RFC1: variants seen among roughly 807,000 people sequenced by gnomAD.
The protein encoded by RFC1 is replication factor C subunit 1.
Under a neutral mutation model 137.4 loss-of-function variants are expected in RFC1, and 37 were observed. The observed-to-expected ratio is 0.27, with a 90% CI of 0.21 to 0.35. RFC1 has a LOEUF of 0.35. RFC1 is among the 10% of genes least tolerant of loss of function. RFC1 has a pLI of 1.00. For missense variants in RFC1, 1,205 were observed against 1,358.5 expected (o/e 0.89, Z 1.78); for synonymous variants, 429 against 455.7 (o/e 0.94, Z 0.75).
rs781279757 is a variant in RFC1 at position 39,351,468 on chromosome 4, C to A, written c.12G>T (p.Arg4=). The A allele has an allele frequency of 6.4e-7, 1 of 1,551,970 alleles. No individual in the cohort carries two copies. Among genetic ancestry groups the A allele is most frequent in the South Asian group, 1.2e-5 (1 of 81,524 alleles). ...CACTTGGTATTACTCCAAAGAATTT[C>A]CGAATGTCCTAAAAGCAAAAAACAG... MDI[R]KFFGVIPSGK... The change falls in exon 2 of 25, where the codon CGG becomes CGT. Residue 4 remains arginine, a synonymous_variant. Coordinates refer to ENST00000349703, the MANE Select transcript of RFC1 (RefSeq NM_002913.5).
chr4:39,318,546 C>T (rs964349741), intron 9 of RFC1, among the ~76,000 whole-genome samples: 8 of 152,140 alleles, frequency 5.3e-5, no homozygotes, highest in African/African-American at 1.9e-4. Flanking sequence ...CTTTATTTGA[C>T]GTTTCCAACC....
At chr4:39,320,819 A>T in intron 8 of RFC1, 150 bp from the exon 9 acceptor site, 1 of 622,046 alleles carries the variant, frequency 1.6e-6, no homozygotes, top group Non-Finnish European at 2.5e-6. Flanking sequence ...GTTTATAGTA[A>T]ATCTATAAAT....
intron 12 of RFC1, among the ~76,000 whole-genome samples, chr4:39,309,909 G>T (rs980675490): frequency 1.4e-4 from 21 of 152,176 alleles, no homozygotes; most frequent in African/African-American, 5.1e-4. Flanking sequence ...CAGGATATAA[G>T]CATAAGTACC....
chr4:39,290,001 G>T lies in RFC1; in HGVS notation c.3207C>A (p.Ala1069=). Residue 1069 remains alanine, a synonymous_variant, in exon 24 of 25, where the codon GCC becomes GCA. Transcript: ENST00000349703. ...AAFTRAYNKE[A]HLTPYSLQAI... Reference sequence around the variant, plus strand: ...CTTGAAGTGAGTATGGAGTAAGGTGGGCTTCCTTATTGTAAGCTCTTGTGA... The same window carrying T: ...CTTGAAGTGAGTATGGAGTAAGGTGTGCTTCCTTATTGTAAGCTCTTGTGA... 1 of 1,613,564 alleles carries T rather than the reference G, an allele frequency of 6.2e-7. No homozygotes were observed. Among genetic ancestry groups the T allele is most frequent in the Non-Finnish European group, 8.5e-7 (1 of 1,179,716 alleles).
At chr4:39,323,792 C>T (rs1007227106) in intron 6 of RFC1, among the ~76,000 whole-genome samples, 4 of 152,110 alleles carry the variant, frequency 2.6e-5, no homozygotes, top group African/African-American at 7.2e-5. Flanking sequence ...AATAGGAAAA[C>T]ACAATCATCT....
chr4:39,321,166 C>A, intron 8 of RFC1, 121 bp downstream of exon 8: 2 of 764,210 alleles, frequency 2.6e-6, no homozygotes, highest in Non-Finnish European at 4.2e-6. Flanking sequence ...CTCTAATAGT[C>A]CTGTGAAATA....
At chr4:39,312,487 T>C (rs1739005141) in intron 11 of RFC1, among the ~76,000 whole-genome samples, 1 of 152,162 alleles carries the variant, frequency 6.6e-6, no homozygotes, top group African/African-American at 2.4e-5. Flanking sequence ...AAAACTGCAT[T>C]TGTTTCTATC....
chr4:39,300,704 G>C (rs1738308467), intron 19 of RFC1, among the ~76,000 whole-genome samples: 1 of 152,174 alleles, frequency 6.6e-6, no homozygotes, highest in African/African-American at 2.4e-5. Flanking sequence ...CAACCAAGAT[G>C]TCCTTTTAGT....
intron 19 of RFC1, among the ~76,000 whole-genome samples, chr4:39,300,627 T>C (rs12500277): frequency 0.019 from 2,827 of 152,340 alleles, 50 homozygotes; most frequent in Admixed American, 0.053. Flanking sequence ...AATGAAACTA[T>C]GTTCACACAA....
intron 6 of RFC1, 76 bp downstream of exon 6, chr4:39,326,487 C>A: frequency 8.7e-7 from 1 of 1,146,982 alleles, no homozygotes; most frequent in South Asian, 1.4e-5. Flanking sequence ...CAATGAGGTT[C>A]AATTCAAAAC....
chr4:39,291,684 G>A lies in RFC1; in HGVS notation c.3123C>T (p.Ser1041=). The change falls in exon 23 of 25, where the codon AGC becomes AGT. Residue 1041 remains serine (S), a synonymous_variant. Transcript: ENST00000349703. ...AGGGACTAGGTTTGCCACCCCAGCTGCTGATTTCCATGATATTCTCAAAGT... is the reference window on the plus strand; with the variant it reads ...AGGGACTAGGTTTGCCACCCCAGCTACTGATTTCCATGATATTCTCAAAGT... The part of the protein sequence containing the change: ...KEDFENIMEI[S]SWGGKPSPFS... The A allele has an allele frequency of 1.2e-6, 2 of 1,614,088 alleles. No individual in the cohort carries two copies. Among genetic ancestry groups the A allele is most frequent in the Non-Finnish European group, 1.7e-6 (2 of 1,179,986 alleles).
intron 4 of RFC1, among the ~76,000 whole-genome samples, chr4:39,329,744 T>C (rs1297818043): frequency 1.3e-5 from 2 of 151,548 alleles, no homozygotes; most frequent in Non-Finnish European, 2.9e-5. Flanking sequence ...TTTAATACAA[T>C]TGAAAATAGG....
chr4:39,362,951 G>A (rs188624101), intron 1 of RFC1, among the ~76,000 whole-genome samples: 5 of 152,316 alleles, frequency 3.3e-5, no homozygotes, highest in East Asian at 1.9e-4. Flanking sequence ...TAATAAAGTC[G>A]AGCACTGCTC....
intron 12 of RFC1, among the ~76,000 whole-genome samples, chr4:39,310,788 C>T (rs1266079453): frequency 6.6e-6 from 1 of 152,164 alleles, no homozygotes; most frequent in Non-Finnish European, 1.5e-5. Flanking sequence ...ATTTATCATG[C>T]TAATACCTAT....
At chr4:39,328,250 T>TTAC (rs1472467912) in intron 4 of RFC1, among the ~76,000 whole-genome samples, 1 of 152,190 alleles carries the variant, frequency 6.6e-6, no homozygotes, top group African/African-American at 2.4e-5. Context: ...TATCCCCCAG[T>TTAC]TACTACCAAG....
intron 14 of RFC1, among the ~76,000 whole-genome samples, chr4:39,306,376 A>G (rs1738656544): frequency 6.6e-6 from 1 of 152,238 alleles, no homozygotes; most frequent in South Asian, 2.1e-4. Context: ...AGTATTGCTT[A>G]TTACTTTAAT....
chr4:39,345,717 A>G (rs977631244), intron 2 of RFC1, among the ~76,000 whole-genome samples: 13 of 151,894 alleles, frequency 8.6e-5, no homozygotes, highest in African/African-American at 3.1e-4. Context: ...AGACGGGGCT[A>G]TCCTTTTTTC....
Position 39,351,494 on chromosome 4 carries a change from G to A in RFC1, c.4-18C>T. The A allele has an allele frequency of 6.5e-7, 1 of 1,528,180 alleles. No homozygotes were observed. Among genetic ancestry groups the A allele is most frequent in the East Asian group, 2.4e-5 (1 of 41,760 alleles). 94.7% of individuals were successfully genotyped at this position (1,528,180 alleles called of 1,614,324 possible). ...CGAATGTCCTAAAAGCAAAAAACAG[G>A]AGATTCACGAATAAACATTAACCGC... is the stretch of plus-strand genomic sequence containing the variant. On this transcript the variant is annotated intron_variant, in intron 1 of 24. Coordinates refer to ENST00000349703, the MANE Select transcript of RFC1 (RefSeq NM_002913.5).
In RFC1 at chr4:39,306,820, A is replaced by G. The variant is rs1445815559; in HGVS notation, c.1886-119T>C. The G allele has an allele frequency of 6.2e-6, 4 of 649,884 alleles. No individual in the cohort carries two copies. In the East Asian group the frequency reaches 1.1e-4, roughly 18 times the overall value. 40.3% of individuals were successfully genotyped at this position (649,884 alleles called of 1,614,324 possible). ...ACAGCTGTCCTCCAGTTTAGTTCTAAATTTGCAGACTATTTTCTACAAAGC... is the reference window on the plus strand; with the variant it reads ...ACAGCTGTCCTCCAGTTTAGTTCTAGATTTGCAGACTATTTTCTACAAAGC... On this transcript the variant is annotated intron_variant, in intron 13 of 24. Coordinates refer to ENST00000349703, the MANE Select transcript of RFC1 (RefSeq NM_002913.5).
Sources: allele counts gnomAD v4.1 joint callset (sites outside exome capture counted in the v4.1 genomes callset), GRCh38; gene constraint gnomAD v4.1.1; transcripts MANE v1.5; gene names NCBI Gene and HGNC (gene_info 2026-07-23, HGNC 2026-07-21).